Variants in MYO5A observed in about 807,000 individuals in gnomAD.
MYO5A encodes unconventional myosin-Va.
MYO5A carries 98 observed loss-of-function variants against 249.7 expected under a neutral mutation model. The observed-to-expected ratio is 0.39, with a 90% confidence interval of 0.33 to 0.46. The LOEUF (loss-of-function observed/expected upper bound fraction) is 0.46, where lower values mean the gene tolerates loss of function less well. Ranked by LOEUF, MYO5A falls within the 20% of genes least tolerant of loss-of-function variation. MYO5A has a pLI of 0.98. For synonymous variants in MYO5A, 778 were observed against 810.6 expected (o/e 0.96, Z 0.68); for missense variants, 1,696 against 2,308.8 (o/e 0.73, Z 5.44).
Position 52,490,771 on chromosome 15 carries a change from T to A in MYO5A, c.27+38009A>T, listed in dbSNP as rs544141216. The stretch of plus-strand genomic sequence containing the variant: ...TCTCATTCTGTTGCCGAGGCTGGAG[T>A]GCAGTGGTGTGATGATCACAGCTCA... On this transcript the variant is annotated intron_variant, in intron 1 of 41. Transcript: ENST00000399233. Among the ~76,000 whole-genome samples the A allele has an allele frequency of 2.0e-5, 3 of 152,214 alleles. No individual in the cohort carries two copies. In the South Asian group the frequency reaches 6.2e-4, roughly 32 times the overall value.
chr15:52,390,560 C>CTTTTTTTTTTTTT (rs548075503), intron 12 of MYO5A, among the ~76,000 whole-genome samples: 1 of 121,994 alleles, frequency 8.2e-6, no homozygotes, highest in Non-Finnish European at 1.7e-5. Flanking sequence ...TTTTTTTTTT[C>CTTTTTTTTTTTTT]TTTTTTTTTT....
At chr15:52,520,322 C>G (rs150607414) in intron 1 of MYO5A, among the ~76,000 whole-genome samples, 18 of 152,280 alleles carry the variant, frequency 1.2e-4, no homozygotes, top group African/African-American at 4.3e-4. Context: ...GGGGTGAGCA[C>G]AGACTTGACC....
At chr15:52,397,008 T>C (rs1483625004) in intron 10 of MYO5A, among the ~76,000 whole-genome samples, 193 bp downstream of exon 10, 3 of 151,470 alleles carry the variant, frequency 2.0e-5, no homozygotes, top group Non-Finnish European at 3.0e-5. Flanking sequence ...ATGTGAACTA[T>C]TTTTTTTTGT....
At chr15:52,403,604 A>T (rs2042857499) in intron 9 of MYO5A, among the ~76,000 whole-genome samples, 1 of 152,210 alleles carries the variant, frequency 6.6e-6, no homozygotes, top group South Asian at 2.1e-4. Flanking sequence ...GAGGTCACAG[A>T]AATATTTTAA....
At position 52,370,369 on chromosome 15, in the gene MYO5A, T is replaced by C. The variant is rs1322320080; in HGVS notation, c.2866A>G (p.Ile956Val). The C allele has an allele frequency of 6.2e-7, 1 of 1,614,010 alleles. No individual in the cohort carries two copies. The highest frequency in any genetic ancestry group is 1.1e-5 in the South Asian group (1 of 91,078). ...AGTTTCTCAGTCTCAGAGTTGTATA[T>C]TCCTTCCAGATTGGTTAGTTTCTCC... ...LVEKLTNLEG[I>V]YNSETEKLRS... The change falls in exon 22 of 42, where the codon ATA becomes GTA. Residue 956 changes from isoleucine to valine, a missense_variant. Physicochemically the swap from Ile to Val is conservative, Grantham distance 29. This residue lies in a region of MYO5A where 412 missense variants were observed against 453.3 expected (regional missense o/e 0.91). Transcript: ENST00000399233.
At chr15:52,338,246 G>T (rs550913457) in intron 32 of MYO5A, among the ~76,000 whole-genome samples, 71 of 126,766 alleles carry the variant, frequency 5.6e-4, no homozygotes, top group African/African-American at 1.9e-3. Context: ...TTTTTTTGCC[G>T]CCAGCAGCAG....
chr15:52,505,917 A>T lies in MYO5A; in HGVS notation c.27+22863T>A, dbSNP rs376306222. On this transcript the variant is annotated intron_variant, in intron 1 of 41. Coordinates refer to ENST00000399233, the MANE Select transcript of MYO5A (RefSeq NM_001382347.1). ...AAAAGCTTGAAAGATTAAAAAAAAA[A>T]TTTTTCAGACTCTTGGCTGGGCGCA... 1,484 of 1,488,048 alleles carry T rather than the reference A, an allele frequency of 1.0e-3. 13 individuals are homozygous for T. The South Asian group carries it at 0.011, about 11-fold the overall frequency. The allele number at this position is 1,488,048 out of a possible 1,614,324, so 92.2% of individuals were successfully genotyped here.
intron 4 of MYO5A, 54 bp downstream of exon 4, chr15:52,425,776 G>T: frequency 2.5e-6 from 4 of 1,591,836 alleles, no homozygotes; most frequent in Non-Finnish European, 3.4e-6. Context: ...TTAGCAAGAA[G>T]AAATTATCAT....
intron 1 of MYO5A, 69 bp from the exon 2 acceptor site, chr15:52,433,354 A>G (rs2075583649): frequency 2.5e-6 from 2 of 800,026 alleles, no homozygotes; most frequent in Admixed American, 4.2e-5. Context: ...TAAACATATG[A>G]TAACTATTTA....
In MYO5A at chr15:52,428,383, G is replaced by A; in HGVS notation, c.310+15C>T. 1 of 1,610,730 alleles carries A rather than the reference G, an allele frequency of 6.2e-7. No homozygotes were observed. Among genetic ancestry groups the A allele is most frequent in the African/African-American group, 1.3e-5 (1 of 74,966 alleles). On this transcript the variant is annotated intron_variant, in intron 3 of 41. Coordinates refer to ENST00000399233, the MANE Select transcript of MYO5A (RefSeq NM_001382347.1). ...AAAGAGTCCACAGTCTATTCGGAAA[G>A]CAAAGCATACTTACCACAATACGTA... is the stretch of plus-strand genomic sequence containing the variant.
At chr15:52,484,515 G>C (rs965910658) in intron 1 of MYO5A, among the ~76,000 whole-genome samples, 3 of 152,162 alleles carry the variant, frequency 2.0e-5, no homozygotes, top group Admixed American at 6.5e-5. Flanking sequence ...GGATTTTGCA[G>C]ATACAAGTAT....
chr15:52,348,426 C>G (rs1052535642), intron 29 of MYO5A, among the ~76,000 whole-genome samples: 3 of 152,192 alleles, frequency 2.0e-5, no homozygotes, highest in Admixed American at 2.0e-4. Context: ...TGCTCAGCTC[C>G]TCAGGCTCCC....
rs2037773925 is a variant in MYO5A, at chr15:52,311,511, T to C, written c.*2185A>G. The C allele has an allele frequency of 6.6e-6, 1 of 152,176 alleles. No individual in the cohort carries two copies. The highest frequency in any genetic ancestry group is 2.1e-4 in the South Asian group (1 of 4,830). The allele number at this position is 152,176 out of a possible 1,614,324, so 9.4% of individuals were successfully genotyped here. Reference sequence around the variant, plus strand: ...ACTGCAAATAAATAAATAAATGTATTCAAACTGAATAAAGCAATACATGAT... The same window carrying C: ...ACTGCAAATAAATAAATAAATGTATCCAAACTGAATAAAGCAATACATGAT... On this transcript the variant is annotated 3_prime_UTR_variant, in exon 42 of 42. Transcript: ENST00000399233.
intron 34 of MYO5A, among the ~76,000 whole-genome samples, chr15:52,333,686 C>T (rs2038989741): frequency 6.6e-6 from 1 of 152,172 alleles, no homozygotes; most frequent in South Asian, 2.1e-4. Flanking sequence ...ATTATATATG[C>T]TAGCATTTTT....
intron 1 of MYO5A, among the ~76,000 whole-genome samples, chr15:52,462,899 A>G (rs1247965095): frequency 2.6e-5 from 4 of 152,086 alleles, no homozygotes; most frequent in African/African-American, 9.7e-5. Context: ...CCAAACATCT[A>G]GAGAGATCAA....
chr15:52,326,731 AT>A (rs199662491), intron 36 of MYO5A, among the ~76,000 whole-genome samples: 1 of 151,748 alleles, frequency 6.6e-6, no homozygotes, highest in Non-Finnish European at 1.5e-5. Context: ...GTTTTACCTA[AT>A]TTTTTTTTAA....
At position 52,372,211 on chromosome 15, in the gene MYO5A, G is replaced by A. The variant is rs11637651; in HGVS notation, c.2730C>T (p.Ile910=). 105,096 of 1,613,460 alleles carry A rather than the reference G, an allele frequency of 0.065. 3,783 individuals are homozygous for A. Among genetic ancestry groups the A allele is most frequent in the South Asian group, 0.094 (8,572 of 91,044 alleles). Residue 910 remains isoleucine (I), a synonymous_variant, in exon 21 of 42, where the codon ATC becomes ATT. Transcript: ENST00000399233. The part of the protein sequence containing the change: ...MAKRELKKLK[I]EARSVERYKK... ...TATAGCGCTCCACTGAGCGAGCCTC[G>A]ATTTTGAGCTTCTTTAGCTCACGCT... is the stretch of plus-strand genomic sequence containing the variant.
chr15:52,423,547 G>A (rs1261360747), intron 4 of MYO5A, among the ~76,000 whole-genome samples: 4 of 104,212 alleles, frequency 3.8e-5, no homozygotes, highest in South Asian at 3.9e-4. Flanking sequence ...GCAAGACTCC[G>A]TCTTAAAAAA....
intron 25 of MYO5A, among the ~76,000 whole-genome samples, chr15:52,359,051 C>T (rs902960066): frequency 1.3e-5 from 2 of 152,140 alleles, no homozygotes; most frequent in African/African-American, 2.4e-5. Flanking sequence ...AAGCTGTGAA[C>T]CTGGACAAAT....
Sources: allele counts gnomAD v4.1 joint callset (sites outside exome capture counted in the v4.1 genomes callset), GRCh38; gene constraint gnomAD v4.1.1; regional missense constraint gnomAD v4.1.1; transcripts MANE v1.5; gene names NCBI Gene and HGNC (gene_info 2026-07-23, HGNC 2026-07-21).